SORCS2: variants seen among roughly 807,000 people sequenced by gnomAD.
SORCS2 encodes the protein VPS10 domain-containing receptor SorCS2.
SORCS2 carries 100 observed loss-of-function variants against 141.6 expected under a neutral mutation model. That is an observed-to-expected ratio of 0.71 (90% CI 0.60 to 0.83). SORCS2 has a LOEUF of 0.83. SORCS2 is among the 40% of genes least tolerant of loss of function. The pLI, the probability that SORCS2 is intolerant of heterozygous loss-of-function variation, is 0.00. For synonymous variants in SORCS2, 789 were observed against 676.9 expected (o/e 1.17, Z -2.57); for missense variants, 1,646 against 1,560.2 (o/e 1.05, Z -0.93).
At chr4:7,325,840 T>G (rs1719219946) in intron 1 of SORCS2, among the ~76,000 whole-genome samples, 1 of 152,082 alleles carries the variant, frequency 6.6e-6, no homozygotes. Context: ...TCTAAGCATC[T>G]GTTGAGCACC....
At chr4:7,631,400 G>T (rs11735230) in intron 3 of SORCS2, among the ~76,000 whole-genome samples, 41,122 of 151,590 alleles carry the variant, frequency 0.27, 6,642 homozygotes, top group East Asian at 0.74. Context: ...AGGCAGGGAG[G>T]GGGTGGGAGG....
chr4:7,286,194 AC>A lies in SORCS2; in HGVS notation c.480+93069del, dbSNP rs921935071. On this transcript the variant is annotated intron_variant, in intron 1 of 26. Coordinates refer to ENST00000507866, the MANE Select transcript of SORCS2 (RefSeq NM_020777.3). The surrounding 1 kb of genome is among the most constrained non-coding windows in gnomAD (Gnocchi z 4.1). ...GGTCTCCAGGCCTGTGCCGGTCCTC[AC>A]TGCACGACTCGGACCCTGAGTCTCC... Among the ~76,000 whole-genome samples, 1 of 152,106 alleles carries A rather than the reference AC, an allele frequency of 6.6e-6. No homozygotes were observed. The highest frequency in any genetic ancestry group is 1.5e-5 in the Non-Finnish European group (1 of 68,024).
chr4:7,416,969 C>G (rs1475029920), intron 2 of SORCS2, among the ~76,000 whole-genome samples: 1 of 152,244 alleles, frequency 6.6e-6, no homozygotes, highest in Non-Finnish European at 1.5e-5. Context: ...CCCACACACC[C>G]ATGCCTCTGC....
chr4:7,734,603 C>G (rs913497955), intron 25 of SORCS2, among the ~76,000 whole-genome samples: 1 of 152,134 alleles, frequency 6.6e-6, no homozygotes, highest in East Asian at 1.9e-4. Flanking sequence ...GAGCATCACC[C>G]TCCCACTCCT....
intron 2 of SORCS2, among the ~76,000 whole-genome samples, chr4:7,511,599 G>A (rs932910584): frequency 2.6e-5 from 4 of 152,264 alleles, no homozygotes; most frequent in East Asian, 1.9e-4. Context: ...AGAGATGGAC[G>A]CTGGGTGCGT....
At chr4:7,570,903 G>T (rs1715346113) in intron 3 of SORCS2, among the ~76,000 whole-genome samples, 1 of 152,128 alleles carries the variant, frequency 6.6e-6, no homozygotes, top group Non-Finnish European at 1.5e-5. Flanking sequence ...CAACAAGCTG[G>T]GGGAGGGGCC....
At chr4:7,440,527 G>A (rs775973639) in intron 2 of SORCS2, among the ~76,000 whole-genome samples, 10 of 152,224 alleles carry the variant, frequency 6.6e-5, no homozygotes, top group African/African-American at 9.6e-5. Flanking sequence ...ACACGCTACC[G>A]TTCCTCTCTC....
rs1300688999 is a variant in SORCS2 at position 7,663,006 on chromosome 4, ATGAG to A, written c.953-1340_953-1337del. 3.4e-5 allele frequency among the ~76,000 whole-genome samples: 5 copies of A among 149,188 alleles called. No individual in the cohort carries two copies. The highest frequency in any genetic ancestry group is 2.2e-4 in the South Asian group (1 of 4,610). On this transcript the variant is annotated intron_variant, in intron 6 of 26. Transcript: ENST00000507866. This position sits in a 1 kb window ranked among gnomAD's most constrained non-coding sequence, Gnocchi z 4.8. ...AGTGAGTGAGTGAGCGAGTGAGTGG[ATGAG>A]TGAGTGGGTGAATGAGTGAATAGGT...
intron 1 of SORCS2, among the ~76,000 whole-genome samples, chr4:7,207,445 C>T (rs1727809575): frequency 1.3e-5 from 2 of 152,198 alleles, no homozygotes; most frequent in African/African-American, 4.8e-5. Flanking sequence ...GTGTGGCGGC[C>T]ACCGTGGCCA....
chr4:7,569,890 C>T (rs1327123711), intron 3 of SORCS2, among the ~76,000 whole-genome samples: 1 of 152,210 alleles, frequency 6.6e-6, no homozygotes, highest in East Asian at 1.9e-4. Flanking sequence ...GATGTGGCCT[C>T]TCCGGAACTT....
intron 1 of SORCS2, among the ~76,000 whole-genome samples, chr4:7,300,448 C>G (rs1268137838): frequency 6.6e-6 from 1 of 152,210 alleles, no homozygotes; most frequent in Non-Finnish European, 1.5e-5. Flanking sequence ...ACCACTCTCA[C>G]CAAGCCCTGC....
chr4:7,225,376 A>G (rs751963105), intron 1 of SORCS2, among the ~76,000 whole-genome samples: 2 of 152,248 alleles, frequency 1.3e-5, no homozygotes, highest in African/African-American at 2.4e-5. Context: ...GCAGACCGGA[A>G]TCGTTCTCTG....
chr4:7,655,269 C>T (rs1721691485), intron 5 of SORCS2, among the ~76,000 whole-genome samples: 1 of 151,982 alleles, frequency 6.6e-6, no homozygotes, highest in African/African-American at 2.4e-5. Flanking sequence ...TGGAACAGAC[C>T]ATTGCACGGG....
chr4:7,326,684 A>C (rs947428232), intron 1 of SORCS2, among the ~76,000 whole-genome samples: 1 of 152,226 alleles, frequency 6.6e-6, no homozygotes, highest in Non-Finnish European at 1.5e-5. Flanking sequence ...CCTCGCCGCC[A>C]GGGCATGATG....
chr4:7,724,120 G>GGTGATGGTGGTGGTGGTGGTGATGGTC (rs1726803521), intron 19 of SORCS2, among the ~76,000 whole-genome samples: 1 of 142,482 alleles, frequency 7.0e-6, no homozygotes, highest in Admixed American at 7.0e-5. Flanking sequence ...TGGTGATGGT[G>GGTGATGGTGGTGGTGGTGGTGATGGTC]GTGGTGGTGG....
At position 7,301,441 on chromosome 4, in the gene SORCS2, G is replaced by A. The variant is rs373318606; in HGVS notation, c.481-94847G>A. ...AATGAATGAGTGAAGGAATGATCTC[G>A]GATCAATATCACACAAAGTTCTCAG... On this transcript the variant is annotated intron_variant, in intron 1 of 26. Transcript: ENST00000507866. Among the ~76,000 whole-genome samples, 104 of 152,308 alleles carry A rather than the reference G, an allele frequency of 6.8e-4. 1 individual carries two copies. The highest frequency in any genetic ancestry group is 2.2e-3 in the African/African-American group (91 of 41,576).
At position 7,286,224 on chromosome 4, in the gene SORCS2, C is replaced by T. The variant is rs540145027; in HGVS notation, c.480+93098C>T. 4.6e-5 allele frequency among the ~76,000 whole-genome samples: 7 copies of T among 152,290 alleles called. No individual in the cohort carries two copies. The highest frequency in any genetic ancestry group is 3.4e-3 in the Middle Eastern group (1 of 294). On this transcript the variant is annotated intron_variant, in intron 1 of 26. Transcript: ENST00000507866. The surrounding 1 kb of genome is among the most constrained non-coding windows in gnomAD (Gnocchi z 4.1). ...ACGACTCGGACCCTGAGTCTCCTCGCGTGGGAAGTGGGCACAGCCTCATGG... is the reference window on the plus strand; with the variant it reads ...ACGACTCGGACCCTGAGTCTCCTCGTGTGGGAAGTGGGCACAGCCTCATGG...
chr4:7,478,319 C>T (rs4623001), intron 2 of SORCS2, among the ~76,000 whole-genome samples: 133,777 of 152,046 alleles, frequency 0.88, 59,286 homozygotes, highest in South Asian at 0.97. Context: ...TCCCCATGGT[C>T]TGCGTCACCA....
At chr4:7,225,070 C>T (rs1473391372) in intron 1 of SORCS2, among the ~76,000 whole-genome samples, 1 of 152,182 alleles carries the variant, frequency 6.6e-6, no homozygotes, top group Non-Finnish European at 1.5e-5. Flanking sequence ...TCCTATTGAT[C>T]CTTCAAAACC....
Sources: allele counts gnomAD v4.1 joint callset (sites outside exome capture counted in the v4.1 genomes callset), GRCh38; gene constraint gnomAD v4.1.1; non-coding constraint Gnocchi (gnomAD v3.1); transcripts MANE v1.5; gene names NCBI Gene and HGNC (gene_info 2026-07-23, HGNC 2026-07-21).